Variants in EYS observed in about 807,000 individuals in gnomAD.
EYS encodes EGF-like photoreceptor maintenance factor.
Under a neutral mutation model 282.1 loss-of-function variants are expected in EYS, and 250 were observed. That is an observed-to-expected ratio of 0.89 (90% confidence interval 0.80 to 0.98). EYS has a LOEUF of 0.98. Ranked by LOEUF, EYS falls within the 50% of genes least tolerant of loss-of-function variation. The pLI, the probability that EYS is intolerant of heterozygous loss-of-function variation, is 0.00. For missense variants in EYS, 4,016 were observed against 3,709.0 expected (o/e 1.08, Z -2.15); for synonymous variants, 1,355 against 1,282.9 (o/e 1.06, Z -1.20).
rs556007742 is a variant in EYS at position 64,677,736 on chromosome 6, T to A, written c.3444-51491A>T. The stretch of plus-strand genomic sequence containing the variant: ...AAAATCAACTATTTAGTTATAAATT[T>A]TAAAAAAATGTCTAATTCTGTCATT... On this transcript the variant is annotated intron_variant, in intron 22 of 42. Transcript: ENST00000503581. 1.7e-3 allele frequency among the ~76,000 whole-genome samples: 260 copies of A among 152,122 alleles called. 2 individuals carry two copies. The highest frequency in any genetic ancestry group is 4.1e-4 in the South Asian group (2 of 4,822).
intron 29 of EYS, among the ~76,000 whole-genome samples, chr6:64,345,207 G>C (rs960230117): frequency 7.2e-5 from 11 of 151,968 alleles, no homozygotes; most frequent in Non-Finnish European, 1.3e-4. Flanking sequence ...CTACTTTAAA[G>C]TTCATATGGA....
At chr6:64,601,325 A>T (rs2149838271) in intron 24 of EYS, among the ~76,000 whole-genome samples, 1 of 152,212 alleles carries the variant, frequency 6.6e-6, no homozygotes, top group South Asian at 2.1e-4. Flanking sequence ...CATTATTTAA[A>T]TATCTCATGG....
chr6:64,224,388 T>C (rs1220234472), intron 31 of EYS, among the ~76,000 whole-genome samples: 2 of 152,088 alleles, frequency 1.3e-5, no homozygotes, highest in African/African-American at 2.4e-5. Context: ...ATTATGTCTT[T>C]TGATTGATTG....
At chr6:64,759,933 T>C (rs902063961) in intron 22 of EYS, among the ~76,000 whole-genome samples, 6 of 152,240 alleles carry the variant, frequency 3.9e-5, no homozygotes, top group Non-Finnish European at 8.8e-5. Flanking sequence ...ATTACAATAT[T>C]TAAACCTTTG....
chr6:65,385,879 T>C (rs567491028), intron 7 of EYS, among the ~76,000 whole-genome samples: 167 of 152,046 alleles, frequency 1.1e-3, no homozygotes, highest in African/African-American at 3.9e-3. Context: ...CAACCCTTCC[T>C]ATTGAGGATG....
intron 1 of EYS, among the ~76,000 whole-genome samples, chr6:65,698,623 A>C (rs1380148991): frequency 6.6e-6 from 1 of 152,110 alleles, no homozygotes; most frequent in Non-Finnish European, 1.5e-5. Context: ...GTGTTCTCCC[A>C]CAGCTGTGGT....
Position 63,726,694 on chromosome 6 carries a change from A to C in EYS, c.8072-14T>G. 6.5e-7 allele frequency: 1 copy of C among 1,548,032 alleles called. No homozygotes were observed. Among genetic ancestry groups the C allele is most frequent in the East Asian group, 2.4e-5 (1 of 40,844 alleles). ...TTATGGATAAAGCTGAGGGAAGGAG[A>C]GAAAGAGAACTCTGGGAGTTATCTG... On this transcript the variant is annotated splice_polypyrimidine_tract_variant and intron_variant, in intron 41 of 42. Transcript: ENST00000503581.
chr6:65,693,218 T>TC (rs1320053624), intron 1 of EYS, among the ~76,000 whole-genome samples: 1 of 149,694 alleles, frequency 6.7e-6, no homozygotes, highest in African/African-American at 2.4e-5. Context: ...TTTTATTTTT[T>TC]CCCTCTTTCC....
At chr6:65,436,383 G>A (rs927300056) in intron 5 of EYS, among the ~76,000 whole-genome samples, 1 of 152,002 alleles carries the variant, frequency 6.6e-6, no homozygotes, top group African/African-American at 2.4e-5. Flanking sequence ...TGAGAAGCAA[G>A]AGAAGGTAGA....
intron 19 of EYS, among the ~76,000 whole-genome samples, chr6:64,883,503 T>C (rs1000344630): frequency 2.1e-5 from 3 of 145,694 alleles, no homozygotes; most frequent in African/African-American, 7.5e-5. Context: ...TAATCACATT[T>C]AAAGTCCTTA....
chr6:65,023,706 G>A (rs777737387), intron 13 of EYS, among the ~76,000 whole-genome samples: 7 of 152,212 alleles, frequency 4.6e-5, no homozygotes, highest in Non-Finnish European at 1.0e-4. Flanking sequence ...TCCATAGACA[G>A]AGGAGACTCG....
At position 65,045,592 on chromosome 6, in the gene EYS, G is replaced by T. The variant is rs189967173; in HGVS notation, c.2137+12022C>A. On this transcript the variant is annotated intron_variant, in intron 13 of 42. Coordinates refer to ENST00000503581, the MANE Select transcript of EYS (RefSeq NM_001142800.2). Reference sequence around the variant, plus strand: ...ATCCCTTCTGCCATGTCAGGTTACAGTGAGAAGATAACCACATATGAGGAA... The same window carrying T: ...ATCCCTTCTGCCATGTCAGGTTACATTGAGAAGATAACCACATATGAGGAA... Among the ~76,000 whole-genome samples the T allele has an allele frequency of 2.0e-4, 31 of 151,972 alleles. No individual in the cohort carries two copies. The East Asian group carries it at 3.7e-3, about 18-fold the overall frequency.
At chr6:64,955,633 T>C (rs1769675796) in intron 14 of EYS, among the ~76,000 whole-genome samples, 2 of 152,176 alleles carry the variant, frequency 1.3e-5, no homozygotes, top group African/African-American at 2.4e-5. Context: ...TGTAATATCA[T>C]CGGCATTGCA....
At chr6:64,563,602 T>C (rs16880108) in intron 26 of EYS, among the ~76,000 whole-genome samples, 33,478 of 152,022 alleles carry the variant, frequency 0.22, 4,169 homozygotes, top group Admixed American at 0.33. Context: ...ATATAAGCCA[T>C]CATTGTAATT....
intron 12 of EYS, among the ~76,000 whole-genome samples, chr6:65,151,766 T>A (rs1350971761): frequency 1.3e-5 from 2 of 152,024 alleles, no homozygotes; most frequent in African/African-American, 2.4e-5. Context: ...ATATAATACA[T>A]TATATTTTTC....
intron 26 of EYS, among the ~76,000 whole-genome samples, chr6:64,525,279 C>T (rs1355970212): frequency 6.6e-6 from 1 of 151,642 alleles, no homozygotes; most frequent in Non-Finnish European, 1.5e-5. Flanking sequence ...AACCTAAATG[C>T]CCATCAATGA....
At chr6:64,694,244 C>T (rs1472082672) in intron 22 of EYS, among the ~76,000 whole-genome samples, 4 of 152,016 alleles carry the variant, frequency 2.6e-5, no homozygotes, top group African/African-American at 7.2e-5. Flanking sequence ...ATTCACATTA[C>T]GAACTTTTAT....
At position 64,346,464 on chromosome 6, in the gene EYS, A is replaced by G. The variant is rs1771401204; in HGVS notation, c.6079-39382T>C. Among the ~76,000 whole-genome samples, 5 of 151,860 alleles carry G rather than the reference A, an allele frequency of 3.3e-5. No homozygotes were observed. The South Asian group carries it at 1.0e-3, about 32-fold the overall frequency. Reference sequence around the variant, plus strand: ...AACTATCACAAGGACAAAAAACCAAACACCACATGTTCTCACTCTTAAGTG... The same window carrying G: ...AACTATCACAAGGACAAAAAACCAAGCACCACATGTTCTCACTCTTAAGTG... On this transcript the variant is annotated intron_variant, in intron 29 of 42. Coordinates refer to ENST00000503581, the MANE Select transcript of EYS (RefSeq NM_001142800.2).
chr6:64,246,417 T>G (rs553426339), intron 30 of EYS, among the ~76,000 whole-genome samples: 24 of 152,314 alleles, frequency 1.6e-4, no homozygotes, highest in African/African-American at 5.8e-4. Context: ...AAAGGAATCT[T>G]ACTGCTTTCA....
Sources: gnomAD v4.1 joint callset for allele counts (sites outside exome capture counted in the v4.1 genomes callset) on GRCh38, gnomAD v4.1.1 for gene constraint, MANE v1.5 for transcripts, NCBI Gene and HGNC (gene_info 2026-07-23, HGNC 2026-07-21) for gene names.